The following SPOPL variants were observed in gnomAD, a reference collection of about 807,000 sequenced individuals.
SPOPL encodes the protein speckle-type POZ protein-like.
A neutral mutation model predicts 53.8 loss-of-function variants in SPOPL; 23 were observed. The ratio of observed to expected loss-of-function variants is 0.43; its 90% confidence interval spans 0.31 to 0.61. The LOEUF (loss-of-function observed/expected upper bound fraction) is 0.61, where lower values mean the gene tolerates loss of function less well. Ranked by LOEUF, SPOPL falls within the 20% of genes least tolerant of loss-of-function variation. SPOPL has a pLI of 0.12. For synonymous variants in SPOPL, 164 were observed against 149.7 expected, an observed-to-expected ratio of 1.10 and a Z score of -0.70; for missense variants, 442 against 466.9, an observed-to-expected ratio of 0.95 and a Z score of 0.49.
chr2:138,542,866 G>A (rs1685105157), intron 1 of SPOPL, among the ~76,000 whole-genome samples: 2 of 152,166 alleles, frequency 1.3e-5, no homozygotes, highest in South Asian at 4.2e-4. Flanking sequence ...TTGTGCAGTG[G>A]CTGGTACCGG....
At chr2:138,537,156 T>C (rs1684954505) in intron 1 of SPOPL, among the ~76,000 whole-genome samples, 1 of 152,126 alleles carries the variant, frequency 6.6e-6, no homozygotes, top group African/African-American at 2.4e-5. Flanking sequence ...TGTAGCAGCA[T>C]GAGCCAAACA....
intron 1 of SPOPL, among the ~76,000 whole-genome samples, chr2:138,513,516 C>T (rs544431214): frequency 1.3e-5 from 2 of 151,980 alleles, no homozygotes; most frequent in South Asian, 4.2e-4. Context: ...CACCACTGCA[C>T]TCCAGTGTAG....
chr2:138,515,203 A>G (rs1573869504), intron 1 of SPOPL, among the ~76,000 whole-genome samples: 1 of 152,182 alleles, frequency 6.6e-6, no homozygotes, highest in Admixed American at 6.5e-5. Flanking sequence ...ATAAACATGG[A>G]TGAGTTTTAA....
chr2:138,509,598 A>G (rs954727159), intron 1 of SPOPL, among the ~76,000 whole-genome samples: 1 of 151,754 alleles, frequency 6.6e-6, no homozygotes, highest in African/African-American at 2.4e-5. Flanking sequence ...TTTTAAAAAA[A>G]TAGATTTTAT....
intron 8 of SPOPL, among the ~76,000 whole-genome samples, chr2:138,563,941 A>G (rs572624610): frequency 6.6e-6 from 1 of 152,374 alleles, no homozygotes; most frequent in Middle Eastern, 3.4e-3. Flanking sequence ...GGATTGAACT[A>G]TTGATAGGCA....
intron 1 of SPOPL, among the ~76,000 whole-genome samples, chr2:138,533,411 C>T (rs1054273505): frequency 1.3e-5 from 2 of 152,096 alleles, no homozygotes; most frequent in Non-Finnish European, 2.9e-5. Context: ...TTCAAAATAT[C>T]TCCGTGTCTG....
intron 1 of SPOPL, among the ~76,000 whole-genome samples, chr2:138,532,049 G>A (rs1217536336): frequency 1.3e-5 from 2 of 152,124 alleles, no homozygotes; most frequent in Non-Finnish European, 2.9e-5. Context: ...TTACTTTACA[G>A]GCATTTCAAT....
chr2:138,538,392 G>A (rs933451118), intron 1 of SPOPL, among the ~76,000 whole-genome samples: 3 of 152,116 alleles, frequency 2.0e-5, no homozygotes, highest in East Asian at 1.9e-4. Flanking sequence ...ATTATTTGGT[G>A]TATATATGTT....
intron 1 of SPOPL, among the ~76,000 whole-genome samples, chr2:138,536,393 T>C (rs1684937147): frequency 6.6e-6 from 1 of 151,814 alleles, no homozygotes; most frequent in Admixed American, 6.6e-5. Flanking sequence ...ATGTTGCACC[T>C]CTGGGGAAGC....
chr2:138,568,624 G>A (rs956168235), intron 10 of SPOPL, among the ~76,000 whole-genome samples: 10 of 152,078 alleles, frequency 6.6e-5, no homozygotes, highest in African/African-American at 2.4e-4. Flanking sequence ...TGCCTTATAA[G>A]AGGCATGTAA....
chr2:138,569,014 T>C lies in SPOPL; in HGVS notation c.1113T>C (p.Phe371=), dbSNP rs763174126. The C allele has an allele frequency of 6.2e-7, 1 of 1,614,076 alleles. No individual in the cohort carries two copies. The highest frequency in any genetic ancestry group is 1.3e-5 in the African/African-American group (1 of 75,052). ...ACCCTCATTTAGTAGCAGAAGCCTT[T>C]CGAGCACTAGCATCTGCACAGTGTC... is the stretch of plus-strand genomic sequence containing the variant. ...QSHPHLVAEA[F]RALASAQCPQ... The change falls in exon 11 of 11, where the codon TTT becomes TTC. Residue 371 remains phenylalanine, a synonymous_variant. Transcript: ENST00000280098.
rs377651955 is a variant in SPOPL, at chr2:138,559,009, C to G, written c.481-13C>G. On this transcript the variant is annotated splice_polypyrimidine_tract_variant and intron_variant, in intron 5 of 10. Coordinates refer to ENST00000280098, the MANE Select transcript of SPOPL (RefSeq NM_001001664.3). ...TTGTGAAAGTGTTTTTCTTGCTGTCCCTTTTTTATTAGGTGAGTGTGGTCC... is the reference window on the plus strand; with the variant it reads ...TTGTGAAAGTGTTTTTCTTGCTGTCGCTTTTTTATTAGGTGAGTGTGGTCC... 6.5e-7 allele frequency: 1 copy of G among 1,547,416 alleles called. No individual in the cohort carries two copies. Among genetic ancestry groups the G allele is most frequent in the Admixed American group, 2.2e-5 (1 of 46,390 alleles).
At chr2:138,520,272 A>C (rs1684528574) in intron 1 of SPOPL, among the ~76,000 whole-genome samples, 1 of 152,246 alleles carries the variant, frequency 6.6e-6, no homozygotes, top group African/African-American at 2.4e-5. Flanking sequence ...TGAAATTTGC[A>C]AAACTTTGTA....
intron 8 of SPOPL, chr2:138,564,424 G>A (rs1363289733): frequency 1.8e-5 from 6 of 325,194 alleles, no homozygotes; most frequent in Non-Finnish European, 3.4e-5. Context: ...GACAAGAGAA[G>A]TATATTTATT....
chr2:138,560,413 T>G (rs1313483900), intron 7 of SPOPL, among the ~76,000 whole-genome samples: 1 of 152,040 alleles, frequency 6.6e-6, no homozygotes, highest in East Asian at 1.9e-4. Context: ...AACACAGATG[T>G]ATTTTATTTG....
Position 138,564,585 on chromosome 2 carries a change from GAATTTT to G in SPOPL, c.838-120_838-115del, listed in dbSNP as rs1379118539. On this transcript the variant is annotated intron_variant, in intron 8 of 10. Coordinates refer to ENST00000280098, the MANE Select transcript of SPOPL (RefSeq NM_001001664.3). ...TATTAGGTTAAAACAGTAACTTAAA[GAATTTT>G]AAAATAATCTTAAATAATAATCTAT... 5 of 1,137,324 alleles carry G rather than the reference GAATTTT, an allele frequency of 4.4e-6. No homozygotes were observed. In the African/African-American group the frequency reaches 7.9e-5, roughly 18 times the overall value. 70.5% of individuals were successfully genotyped at this position (1,137,324 alleles called of 1,614,324 possible).
rs1457480866 is a variant in SPOPL at position 138,564,797 on chromosome 2, A to G, written c.927A>G (p.Ala309=). 3.7e-6 allele frequency: 6 copies of G among 1,614,094 alleles called. No individual in the cohort carries two copies. In the East Asian group the frequency reaches 1.3e-4, roughly 36 times the overall value. ...ATGTTGCAGATACCCTTGTCCTTGC[A>G]GATTTGCACAGTGCAGAACAGTTGA... ...VENVADTLVL[A]DLHSAEQLKA... Residue 309 remains alanine (A), a synonymous_variant, in exon 9 of 11, where the codon GCA becomes GCG. Coordinates refer to ENST00000280098, the MANE Select transcript of SPOPL (RefSeq NM_001001664.3).
At chr2:138,512,921 C>T (rs1345960558) in intron 1 of SPOPL, among the ~76,000 whole-genome samples, 1 of 152,162 alleles carries the variant, frequency 6.6e-6, no homozygotes, top group Admixed American at 6.5e-5. Context: ...GTGCCAAGGA[C>T]TTTATATATA....
At chr2:138,505,393 G>A (rs1684193051) in intron 1 of SPOPL, among the ~76,000 whole-genome samples, 1 of 151,896 alleles carries the variant, frequency 6.6e-6, no homozygotes, top group South Asian at 2.1e-4. Flanking sequence ...CCAGTCTCTG[G>A]TGACATGTAA....
Sources: allele counts gnomAD v4.1 joint callset (sites outside exome capture counted in the v4.1 genomes callset), GRCh38; gene constraint gnomAD v4.1.1; transcripts MANE v1.5; gene names NCBI Gene and HGNC (gene_info 2026-07-23, HGNC 2026-07-21).